The following TYW1B variants were observed in gnomAD, a reference collection of about 807,000 sequenced individuals.
TYW1B encodes the protein tRNA-yW synthesizing protein 1 homolog B, also known as S-adenosyl-L-methionine-dependent tRNA 4-demethylwyosine synthase TYW1B.
A neutral mutation model predicts 86.9 loss-of-function variants in TYW1B; 73 were observed. The observed-to-expected ratio is 0.84, with a 90% CI of 0.70 to 1.02. The LOEUF (loss-of-function observed/expected upper bound fraction) is 1.02, where lower values mean the gene tolerates loss of function less well. TYW1B is among the 50% of genes least tolerant of loss of function. The probability of loss-of-function intolerance (pLI) is 0.00; values close to 1 mark genes in which losing one functional copy is unlikely to be tolerated. For missense variants in TYW1B, 637 were observed against 827.4 expected, an observed-to-expected ratio of 0.77 and a Z score of 2.82; for synonymous variants, 248 against 292.8, an observed-to-expected ratio of 0.85 and a Z score of 1.56.
chr7:72,802,288 C>T, intron 6 of TYW1B, 112 bp downstream of exon 6: 1 of 1,508,136 alleles, frequency 6.6e-7, no homozygotes, highest in Admixed American at 2.2e-5. Flanking sequence ...AAGACAGAAG[C>T]TAGAGAAATG....
intron 13 of TYW1B, among the ~76,000 whole-genome samples, chr7:72,606,607 G>A (rs1333097103): frequency 1.8e-5 from 1 of 56,858 alleles, no homozygotes; most frequent in Non-Finnish European, 4.7e-5. Flanking sequence ...CAGCAATAAG[G>A]CCCCCCCCCC....
At chr7:72,758,430 A>C (rs1787630528) in intron 7 of TYW1B, among the ~76,000 whole-genome samples, 1 of 148,822 alleles carries the variant, frequency 6.7e-6, no homozygotes, top group African/African-American at 2.5e-5. Flanking sequence ...CTAAATAAAC[A>C]TTTTTTTCTC....
At position 72,744,581 on chromosome 7, in the gene TYW1B, T is replaced by C. The variant is rs1479513049; in HGVS notation, c.985A>G (p.Ser329Gly). 6.2e-7 allele frequency: 1 copy of C among 1,613,592 alleles called. No homozygotes were observed. The highest frequency in any genetic ancestry group is 8.5e-7 in the Non-Finnish European group (1 of 1,179,766). The change falls in exon 8 of 14, where the codon AGC becomes GGC. Residue 329 changes from serine to glycine, a missense_variant. Physicochemically the swap from Ser to Gly is moderately conservative, Grantham distance 56. Coordinates refer to ENST00000620995, the MANE Select transcript of TYW1B (RefSeq NM_001145440.3). ...TKQVDAPRERSLLQTHILWNE... is the reference protein window; with the variant it reads ...TKQVDAPRERGLLQTHILWNE... ...CATAGAATGTGTGTTTGTAACAAGC[T>C]CCTCTCCCTCGGAGCATCGACTATG...
At chr7:72,773,931 GGCGCAT>G (rs1554470075) in intron 7 of TYW1B, among the ~76,000 whole-genome samples, 1 of 151,830 alleles carries the variant, frequency 6.6e-6, no homozygotes. Flanking sequence ...CAGGTGTGGT[GGCGCAT>G]GCGTGTAATC....
intron 11 of TYW1B, among the ~76,000 whole-genome samples, chr7:72,629,794 T>C (rs1231676835): frequency 4.6e-5 from 7 of 152,156 alleles, no homozygotes; most frequent in African/African-American, 1.4e-4. Flanking sequence ...GTGACCCTCA[T>C]GCCTGAGGCT....
At chr7:72,644,744 A>G (rs1387572170) in intron 11 of TYW1B, among the ~76,000 whole-genome samples, 1 of 152,040 alleles carries the variant, frequency 6.6e-6, no homozygotes, top group Admixed American at 6.6e-5. Context: ...CTTTAAAAAA[A>G]TTACAGACTT....
intron 11 of TYW1B, among the ~76,000 whole-genome samples, chr7:72,666,802 C>T (rs371140131): frequency 1.3e-5 from 2 of 151,896 alleles, no homozygotes; most frequent in Non-Finnish European, 2.9e-5. Flanking sequence ...GAGACCGAGG[C>T]GGGTGGATCA....
rs200453822 is a variant in TYW1B at position 72,749,514 on chromosome 7, T to A, written c.965-4913A>T. ...TCACTGTATTAGCCAGGATGGTCTC[T>A]ATCTCCCAACCTCGTGATCTGCCCA... On this transcript the variant is annotated intron_variant, in intron 7 of 13. Transcript: ENST00000620995. Among the ~76,000 whole-genome samples the A allele has an allele frequency of 3.3e-5, 5 of 152,228 alleles. No individual in the cohort carries two copies. In the South Asian group the frequency reaches 6.2e-4, roughly 19 times the overall value.
At chr7:72,703,484 G>C (rs1205441058) in intron 10 of TYW1B, among the ~76,000 whole-genome samples, 1 of 151,982 alleles carries the variant, frequency 6.6e-6, no homozygotes, top group African/African-American at 2.4e-5. Context: ...TTTCGACCCT[G>C]TTTTGAAATG....
intron 3 of TYW1B, among the ~76,000 whole-genome samples, chr7:72,812,137 G>GT (rs1455872867): frequency 1.2e-5 from 1 of 83,904 alleles, no homozygotes; most frequent in Non-Finnish European, 3.2e-5. Flanking sequence ...GATTTTAGAG[G>GT]TGTTTTTTTT....
At chr7:72,669,478 C>T (rs1425967509) in intron 11 of TYW1B, among the ~76,000 whole-genome samples, 4 of 152,030 alleles carry the variant, frequency 2.6e-5, no homozygotes, top group African/African-American at 9.7e-5. Flanking sequence ...AATAATAGCA[C>T]TGGCTGGCCA....
chr7:72,759,009 G>A (rs1416814068), intron 7 of TYW1B, among the ~76,000 whole-genome samples: 8 of 152,120 alleles, frequency 5.3e-5, no homozygotes, highest in Non-Finnish European at 1.0e-4. Flanking sequence ...TAAATGTTCT[G>A]GATAATGGGC....
intron 12 of TYW1B, among the ~76,000 whole-genome samples, chr7:72,625,615 T>C (rs1554438647): frequency 6.7e-6 from 1 of 150,304 alleles, no homozygotes; most frequent in African/African-American, 2.5e-5. Flanking sequence ...TGAGCCATGA[T>C]TGCACCACTG....
chr7:72,650,473 A>G (rs1554442641), intron 11 of TYW1B, among the ~76,000 whole-genome samples: 1 of 152,178 alleles, frequency 6.6e-6, no homozygotes, highest in Non-Finnish European at 1.5e-5. Context: ...TTACACTAAC[A>G]TTAGGATGCC....
chr7:72,608,999 C>G (rs1811867062), intron 13 of TYW1B, among the ~76,000 whole-genome samples: 1 of 152,166 alleles, frequency 6.6e-6, no homozygotes, highest in Admixed American at 6.5e-5. Flanking sequence ...TGAATAAGGT[C>G]TATGGGTTGT....
intron 13 of TYW1B, among the ~76,000 whole-genome samples, chr7:72,580,121 T>G (rs1693392700): frequency 6.6e-6 from 1 of 152,082 alleles, no homozygotes; most frequent in Non-Finnish European, 1.5e-5. Flanking sequence ...AAACATTCAG[T>G]CCTTAAGAGT....
At chr7:72,755,657 G>A (rs1554465872) in intron 7 of TYW1B, among the ~76,000 whole-genome samples, 2 of 152,146 alleles carry the variant, frequency 1.3e-5, no homozygotes, top group Non-Finnish European at 2.9e-5. Context: ...GAGTGAGCCT[G>A]TCTCAAACTG....
intron 9 of TYW1B, among the ~76,000 whole-genome samples, chr7:72,727,482 G>A (rs1404174468): frequency 1.3e-5 from 2 of 152,124 alleles, no homozygotes; most frequent in African/African-American, 4.8e-5. Flanking sequence ...GGTTCTCAAA[G>A]CGTGGTCCCC....
rs1361509980 is a variant in TYW1B at position 72,808,819 on chromosome 7, AC to A, written c.433-1464del. Among the ~76,000 whole-genome samples the A allele has an allele frequency of 1.1e-4, 17 of 151,652 alleles. No individual in the cohort carries two copies. The South Asian group carries it at 2.9e-3, about 26-fold the overall frequency. ...TGGCATTACAGGCTTGTGCCACTGC[AC>A]CCGGCCGTAAACAGCTTTTAAAGAA... On this transcript the variant is annotated intron_variant, in intron 4 of 13. Coordinates refer to ENST00000620995, the MANE Select transcript of TYW1B (RefSeq NM_001145440.3).
Sources: gnomAD v4.1 joint callset for allele counts (sites outside exome capture counted in the v4.1 genomes callset) on GRCh38, gnomAD v4.1.1 for gene constraint, MANE v1.5 for transcripts, NCBI Gene and HGNC (gene_info 2026-07-23, HGNC 2026-07-21) for gene names.